Variants in LRRC69 observed in about 807,000 individuals in gnomAD.
The protein encoded by LRRC69 is leucine-rich repeat-containing protein 69.
Under a neutral mutation model 37.8 loss-of-function variants are expected in LRRC69, and 42 were observed. That is an observed-to-expected ratio of 1.11 (90% CI 0.87 to 1.44). The LOEUF (loss-of-function observed/expected upper bound fraction) is 1.44, where lower values mean the gene tolerates loss of function less well. Among genes scored for constraint, LRRC69 ranks in the 40% most tolerant of loss-of-function variants. LRRC69 has a pLI of 0.00. For synonymous variants in LRRC69, 141 were observed against 143.1 expected, an observed-to-expected ratio of 0.99 and a Z score of 0.11; for missense variants, 357 against 401.9, an observed-to-expected ratio of 0.89 and a Z score of 0.96.
At chr8:91,209,606 G>T (rs1586290129) in intron 7 of LRRC69, 1 of 152,228 alleles carries the variant, frequency 6.6e-6, no homozygotes, top group Admixed American at 6.5e-5. Context: ...TTGAAAATGG[G>T]AAGATATGTG....
intron 5 of LRRC69, among the ~76,000 whole-genome samples, chr8:91,154,590 T>C (rs1480999594): frequency 6.6e-6 from 1 of 151,920 alleles, no homozygotes; most frequent in Non-Finnish European, 1.5e-5. Context: ...TCAATAAATA[T>C]AATTCATCAT....
intron 3 of LRRC69, among the ~76,000 whole-genome samples, chr8:91,128,204 T>TAATTTA (rs1280241034): frequency 2.6e-5 from 4 of 152,026 alleles, no homozygotes; most frequent in Admixed American, 2.0e-4. Flanking sequence ...ATTTATGCCT[T>TAATTTA]TGGACCAGTA....
chr8:91,122,277 C>G (rs1813638495), intron 1 of LRRC69, among the ~76,000 whole-genome samples: 1 of 152,038 alleles, frequency 6.6e-6, no homozygotes, highest in South Asian at 2.1e-4. Context: ...GAGGCACTGG[C>G]TGGCTTTGTT....
chr8:91,126,963 C>G, intron 2 of LRRC69, 125 bp from the exon 3 acceptor site: 1 of 682,510 alleles, frequency 1.5e-6, no homozygotes, highest in East Asian at 2.9e-5. Context: ...GTTTCTGTTA[C>G]CACCACCAAA....
chr8:91,118,868 C>G (rs1201398421), intron 1 of LRRC69, among the ~76,000 whole-genome samples: 1 of 152,062 alleles, frequency 6.6e-6, no homozygotes, highest in African/African-American at 2.4e-5. Flanking sequence ...GTTAGTAAAA[C>G]ACCATTTGAA....
intron 1 of LRRC69, among the ~76,000 whole-genome samples, chr8:91,113,487 G>A (rs1179053038): frequency 1.3e-5 from 2 of 152,020 alleles, no homozygotes. Context: ...TTCAATAAAT[G>A]TTGGGAAAAT....
Position 91,158,174 on chromosome 8 carries a change from G to C in LRRC69, c.651+22435G>C, listed in dbSNP as rs910080970. The C allele has an allele frequency of 6.9e-6, 11 of 1,603,976 alleles. No homozygotes were observed. The African/African-American group carries it at 1.3e-4, about 20-fold the overall frequency. ...GAAAATCCCAGAAAGATCTGGAGCTGGAACAGAGGATTCTGCTTGTATTCC... is the reference window on the plus strand; with the variant it reads ...GAAAATCCCAGAAAGATCTGGAGCTCGAACAGAGGATTCTGCTTGTATTCC... On this transcript the variant is annotated intron_variant, in intron 5 of 7. Transcript: ENST00000448384.
intron 5 of LRRC69, among the ~76,000 whole-genome samples, chr8:91,143,408 G>T (rs1001707897): frequency 2.6e-5 from 4 of 152,002 alleles, no homozygotes; most frequent in Admixed American, 1.3e-4. Context: ...TGCTTAAAAA[G>T]ATGTAAATTA....
chr8:91,146,482 C>A (rs938787965), intron 5 of LRRC69, among the ~76,000 whole-genome samples: 2 of 151,772 alleles, frequency 1.3e-5, no homozygotes, highest in African/African-American at 4.8e-5. Flanking sequence ...TGATTGAAAT[C>A]AAATGTGGCT....
chr8:91,191,598 G>C lies in LRRC69; in HGVS notation c.753+1975G>C, dbSNP rs925909723. Reference sequence around the variant, plus strand: ...CGCCAACTTAAGCAGTTGGGTTCCAGACTCCCAGCTGCAATATTGGTTCAG... The same window carrying C: ...CGCCAACTTAAGCAGTTGGGTTCCACACTCCCAGCTGCAATATTGGTTCAG... On this transcript the variant is annotated intron_variant, in intron 6 of 7. Coordinates refer to ENST00000448384, the Ensembl canonical transcript of LRRC69. Among the ~76,000 whole-genome samples the C allele has an allele frequency of 2.0e-5, 3 of 152,160 alleles. 1 individual carries two copies. Among genetic ancestry groups the C allele is most frequent in the African/African-American group, 7.2e-5 (3 of 41,434 alleles).
At chr8:91,119,381 A>G (rs1482571029) in intron 1 of LRRC69, among the ~76,000 whole-genome samples, 2 of 152,040 alleles carry the variant, frequency 1.3e-5, no homozygotes, top group African/African-American at 2.4e-5. Context: ...TGGTTATCCT[A>G]TGCTATGAAG....
At chr8:91,151,317 T>G (rs1381052597) in intron 5 of LRRC69, among the ~76,000 whole-genome samples, 1 of 146,036 alleles carries the variant, frequency 6.8e-6, no homozygotes, top group Non-Finnish European at 1.5e-5. Flanking sequence ...AAGAACATCT[T>G]TATTTCTGCC....
chr8:91,216,134 A>C (rs528749312), intron 7 of LRRC69, among the ~76,000 whole-genome samples: 4 of 152,306 alleles, frequency 2.6e-5, no homozygotes, highest in Admixed American at 2.6e-4. Context: ...ATCACCTTCA[A>C]AGTTTCATGT....
chr8:91,205,613 T>C (rs1273817409), intron 7 of LRRC69: 2 of 151,586 alleles, frequency 1.3e-5, no homozygotes, highest in East Asian at 4.0e-4. Context: ...TTTCTCACAA[T>C]GTCCTTTACC....
chr8:91,173,853 A>C (rs1465670486), intron 5 of LRRC69, among the ~76,000 whole-genome samples: 1 of 151,978 alleles, frequency 6.6e-6, no homozygotes, highest in Non-Finnish European at 1.5e-5. Flanking sequence ...CGAAGGCCCT[A>C]CCTCGATACT....
intron 7 of LRRC69, 52 bp from the exon 8 acceptor site, chr8:91,218,838 A>C: frequency 8.6e-7 from 1 of 1,159,904 alleles, no homozygotes; most frequent in Non-Finnish European, 1.2e-6. Flanking sequence ...ATTTTAATGA[A>C]AAATACTTAT....
chr8:91,146,145 A>G (rs181718441), intron 5 of LRRC69, among the ~76,000 whole-genome samples: 1 of 151,942 alleles, frequency 6.6e-6, no homozygotes, highest in East Asian at 1.9e-4. Flanking sequence ...CACATGGTAT[A>G]GTGGTTGGTG....
At chr8:91,166,311 C>A (rs146493341) in intron 5 of LRRC69, among the ~76,000 whole-genome samples, 2 of 151,612 alleles carry the variant, frequency 1.3e-5, no homozygotes, top group African/African-American at 4.8e-5. Flanking sequence ...CACACTATTA[C>A]AGTAGTGTAG....
chr8:91,118,851 GTTCT>G lies in LRRC69; in HGVS notation c.184-5639_184-5636del, dbSNP rs544833311. 1.5e-3 allele frequency among the ~76,000 whole-genome samples: 228 copies of G among 152,184 alleles called. 1 individual carries two copies. Among genetic ancestry groups the G allele is most frequent in the Admixed American group, 2.6e-3 (39 of 15,270 alleles). On this transcript the variant is annotated intron_variant, in intron 1 of 7. Coordinates refer to ENST00000448384, the Ensembl canonical transcript of LRRC69. ...TTTCTGTATATCTGCTATTTCTGCA[GTTCT>G]TTGTTAGTAAAACACCATTTGAAAC...
Sources: gnomAD v4.1 joint callset for allele counts (sites outside exome capture counted in the v4.1 genomes callset) on GRCh38, gnomAD v4.1.1 for gene constraint, MANE v1.5 for transcripts, NCBI Gene and HGNC (gene_info 2026-07-23, HGNC 2026-07-21) for gene names.